Variants in CDH4 observed in about 807,000 individuals in gnomAD.
CDH4 encodes the protein cadherin 4.
A neutral mutation model predicts 86.0 loss-of-function variants in CDH4; 33 were observed. The ratio of observed to expected loss-of-function variants is 0.38; its 90% CI spans 0.29 to 0.51. CDH4 has a LOEUF of 0.51. CDH4 is among the 20% of genes least tolerant of loss of function. The pLI is 0.86. For synonymous variants in CDH4, 555 were observed against 549.4 expected, an observed-to-expected ratio of 1.01 and a Z score of -0.14; for missense variants, 1,114 against 1,307.4, an observed-to-expected ratio of 0.85 and a Z score of 2.28.
chr20:61,581,208 C>T (rs1412266264), intron 2 of CDH4, among the ~76,000 whole-genome samples: 3 of 152,260 alleles, frequency 2.0e-5, no homozygotes, highest in African/African-American at 7.2e-5. Context: ...GGGCCTGGCT[C>T]CAGGGATCCG....
intron 2 of CDH4, among the ~76,000 whole-genome samples, chr20:61,710,951 T>C (rs2087885012): frequency 6.6e-6 from 1 of 152,152 alleles, no homozygotes; most frequent in African/African-American, 2.4e-5. Flanking sequence ...CTGAACATCA[T>C]AGGCATACGA....
chr20:61,801,988 G>C (rs55916114), intron 4 of CDH4, among the ~76,000 whole-genome samples: 22,199 of 152,284 alleles, frequency 0.15, 1,726 homozygotes, highest in Non-Finnish European at 0.16. Flanking sequence ...AGCCAGCCTT[G>C]CTGCCATAAG....
In CDH4 at chr20:61,743,663, G is replaced by T; in HGVS notation, c.270G>T (p.Glu90Asp). 1 of 1,601,748 alleles carries T rather than the reference G, an allele frequency of 6.2e-7. No individual in the cohort carries two copies. ...GADGTVFATR[E>D]LQVPSEQVAF... is the part of the protein sequence containing the mutation. ...ATGGGACAGTCTTCGCCACCCGGGA[G>T]CTGCAGGTCCCCTCCGAGCAGGTGG... Residue 90 changes from glutamate (E) to aspartate (D), a missense_variant, in exon 3 of 16, where the codon GAG becomes GAT. Physicochemically the swap from Glu to Asp is conservative, Grantham distance 45. Coordinates refer to ENST00000614565, the MANE Select transcript of CDH4 (RefSeq NM_001794.5).
At chr20:61,362,622 G>C (rs919403280) in intron 2 of CDH4, among the ~76,000 whole-genome samples, 7 of 152,126 alleles carry the variant, frequency 4.6e-5, no homozygotes, top group African/African-American at 1.7e-4. Flanking sequence ...AAGGGAAGTG[G>C]TGAGATTCAG....
At chr20:61,821,913 G>T (rs1981063686) in intron 4 of CDH4, among the ~76,000 whole-genome samples, 1 of 152,256 alleles carries the variant, frequency 6.6e-6, no homozygotes, top group East Asian at 1.9e-4. Context: ...GCCCTTCAGG[G>T]CAGGCTCTGC....
intron 2 of CDH4, among the ~76,000 whole-genome samples, chr20:61,471,624 C>T (rs1364922214): frequency 3.3e-5 from 5 of 151,466 alleles, no homozygotes. Flanking sequence ...AGTTTTTCTA[C>T]TTTGTTGATA....
chr20:61,335,819 T>A (rs1188005348), intron 2 of CDH4, among the ~76,000 whole-genome samples: 2 of 152,166 alleles, frequency 1.3e-5, no homozygotes, highest in East Asian at 1.9e-4. Context: ...GCTATTGAAG[T>A]TGTTTAAAGG....
intron 11 of CDH4, among the ~76,000 whole-genome samples, chr20:61,925,151 T>G (rs545537274): frequency 6.6e-5 from 10 of 151,872 alleles, no homozygotes; most frequent in Non-Finnish European, 1.5e-4. Context: ...AGGGCGAGGA[T>G]GGGCTGGGCA....
chr20:61,917,850 G>C lies in CDH4; in HGVS notation c.1375-5601G>C, dbSNP rs574215786. ...AATGTGTTTTATTTTATCTTCCTGT[G>C]GGCTTTTATTGGCCATAATCATCTT... On this transcript the variant is annotated intron_variant, in intron 9 of 15. Coordinates refer to ENST00000614565, the MANE Select transcript of CDH4 (RefSeq NM_001794.5). Among the ~76,000 whole-genome samples the C allele has an allele frequency of 3.9e-5, 6 of 152,342 alleles. No homozygotes were observed. In the South Asian group the frequency reaches 1.2e-3, roughly 32 times the overall value.
At chr20:61,472,632 TACAA>T (rs747264136) in intron 2 of CDH4, among the ~76,000 whole-genome samples, 3 of 152,222 alleles carry the variant, frequency 2.0e-5, no homozygotes, top group East Asian at 1.9e-4. Flanking sequence ...ACACTGATTG[TACAA>T]ACAAATTGTC....
In CDH4 at chr20:61,386,786, G is replaced by A. The variant is rs115208019; in HGVS notation, c.169+131849G>A. 7.6e-3 allele frequency among the ~76,000 whole-genome samples: 1,156 copies of A among 152,338 alleles called. 12 individuals carry two copies. The highest frequency in any genetic ancestry group is 0.026 in the African/African-American group (1,076 of 41,586). ...AAACCATTGCTGTCCTCGATATTTT[G>A]TGCCTTCAGGAAACAGAGAGAGGTG... is the stretch of plus-strand genomic sequence containing the variant. On this transcript the variant is annotated intron_variant, in intron 2 of 15. Transcript: ENST00000614565.
At chr20:61,855,395 T>A (rs1568851460) in intron 6 of CDH4, among the ~76,000 whole-genome samples, 1 of 152,202 alleles carries the variant, frequency 6.6e-6, no homozygotes, top group Non-Finnish European at 1.5e-5. Context: ...CAGCCATCCC[T>A]TAAGGGGCAG....
chr20:61,642,908 C>T (rs1294514287), intron 2 of CDH4, among the ~76,000 whole-genome samples: 1 of 152,184 alleles, frequency 6.6e-6, no homozygotes, highest in Non-Finnish European at 1.5e-5. Context: ...CTGCCTCCTT[C>T]TTTCCCTTTT....
At chr20:61,757,979 G>A (rs1204559617) in intron 3 of CDH4, among the ~76,000 whole-genome samples, 1 of 152,166 alleles carries the variant, frequency 6.6e-6, no homozygotes, top group Non-Finnish European at 1.5e-5. Flanking sequence ...GCACTGCTGT[G>A]TAGCAGCTCT....
chr20:61,380,026 G>GCTGT (rs1350102080), intron 2 of CDH4, among the ~76,000 whole-genome samples: 24 of 152,132 alleles, frequency 1.6e-4, no homozygotes, highest in African/African-American at 5.8e-4. Flanking sequence ...GTCCTGGGAA[G>GCTGT]CTGTCCCTTT....
intron 2 of CDH4, among the ~76,000 whole-genome samples, chr20:61,665,353 A>G (rs1258500317): frequency 2.0e-5 from 3 of 152,228 alleles, no homozygotes; most frequent in African/African-American, 7.2e-5. Flanking sequence ...CACTCGTGAA[A>G]TGGCATACCC....
chr20:61,537,647 A>G (rs1191630728), intron 2 of CDH4, among the ~76,000 whole-genome samples: 2 of 152,218 alleles, frequency 1.3e-5, no homozygotes, highest in East Asian at 1.9e-4. Flanking sequence ...ACAGGCACGC[A>G]CTGCCCTCCC....
chr20:61,710,328 G>T (rs1187608375), intron 2 of CDH4, among the ~76,000 whole-genome samples: 1 of 152,160 alleles, frequency 6.6e-6, no homozygotes, highest in African/African-American at 2.4e-5. Flanking sequence ...GCTGCCGATT[G>T]GTTCTCTGGG....
intron 2 of CDH4, among the ~76,000 whole-genome samples, chr20:61,655,187 A>G (rs890599192): frequency 2.6e-5 from 4 of 152,140 alleles, no homozygotes; most frequent in Non-Finnish European, 5.9e-5. Flanking sequence ...GCTTGTGTGT[A>G]TTTCACATGG....
Sources: gnomAD v4.1 joint callset for allele counts (sites outside exome capture counted in the v4.1 genomes callset) on GRCh38, gnomAD v4.1.1 for gene constraint, MANE v1.5 for transcripts, NCBI Gene and HGNC (gene_info 2026-07-23, HGNC 2026-07-21) for gene names.